Variants in TBC1D5 observed in about 807,000 individuals in gnomAD.
TBC1D5 encodes TBC1 domain family, member 5.
TBC1D5 carries 75 observed loss-of-function variants against 100.3 expected under a neutral mutation model. The observed-to-expected ratio is 0.75, with a 90% CI of 0.62 to 0.91. The LOEUF is 0.91. Among genes scored for constraint, TBC1D5 ranks in the 40% least tolerant of loss-of-function variants. The probability of loss-of-function intolerance (pLI) is 0.00; values close to 1 mark genes in which losing one functional copy is unlikely to be tolerated. For synonymous variants in TBC1D5, 323 were observed against 325.6 expected (o/e 0.99, Z 0.09); for missense variants, 910 against 942.4 (o/e 0.97, Z 0.45).
intron 9 of TBC1D5, 23 bp from the exon 10 acceptor site, chr3:17,376,636 A>G (rs752990713): frequency 6.3e-7 from 1 of 1,599,134 alleles, no homozygotes; most frequent in Non-Finnish European, 8.5e-7. Context: ...AGCCAGAAAA[A>G]TGAAAGAGAT....
At chr3:17,437,808 C>T (rs1269373115) in intron 3 of TBC1D5, among the ~76,000 whole-genome samples, 1 of 152,148 alleles carries the variant, frequency 6.6e-6, no homozygotes, top group African/African-American at 2.4e-5. Context: ...TGATGATACA[C>T]AGGCCTTTCC....
rs183492783 is a variant in TBC1D5, at chr3:17,682,306, T to A, written c.-101+57037A>T. On this transcript the variant is annotated intron_variant, in intron 1 of 21. Transcript: ENST00000253692. ...TTTTTGAAAAAAACCTGTAATGCTT[T>A]ATATGAAGAAAAACTTTAGAACTAT... is the stretch of plus-strand genomic sequence containing the variant. Among the ~76,000 whole-genome samples the A allele has an allele frequency of 1.0e-3, 154 of 151,538 alleles. 2 individuals carry two copies. The South Asian group carries it at 0.018, about 18-fold the overall frequency.
intron 15 of TBC1D5, among the ~76,000 whole-genome samples, chr3:17,283,211 C>T (rs189365783): frequency 6.6e-6 from 1 of 152,188 alleles, no homozygotes. Flanking sequence ...TAAAATAGAC[C>T]CCAAAGGGTC....
chr3:17,492,559 C>T (rs946253607), intron 3 of TBC1D5, among the ~76,000 whole-genome samples: 6 of 152,032 alleles, frequency 3.9e-5, no homozygotes, highest in East Asian at 1.9e-4. Context: ...CTCAGCCTAG[C>T]GAGTAGCTGG....
intron 14 of TBC1D5, among the ~76,000 whole-genome samples, chr3:17,297,573 A>T (rs2082383973): frequency 1.4e-5 from 1 of 69,142 alleles, no homozygotes; most frequent in Admixed American, 1.3e-4. Context: ...GAGACTCCTA[A>T]AAAAAAAAAA....
chr3:17,303,774 C>G (rs1178997549), intron 14 of TBC1D5, among the ~76,000 whole-genome samples: 3 of 151,770 alleles, frequency 2.0e-5, no homozygotes, highest in African/African-American at 7.3e-5. Flanking sequence ...CACCCTCTAC[C>G]CTCCTATCTC....
At chr3:17,460,291 G>T (rs918668147) in intron 3 of TBC1D5, among the ~76,000 whole-genome samples, 6 of 151,972 alleles carry the variant, frequency 3.9e-5, no homozygotes, top group African/African-American at 1.5e-4. Context: ...AATTAGAGAG[G>T]GTCAGAAAAA....
chr3:17,162,201 C>T (rs1012970442), intron 21 of TBC1D5, among the ~76,000 whole-genome samples: 2 of 152,204 alleles, frequency 1.3e-5, no homozygotes, highest in South Asian at 2.1e-4. Flanking sequence ...CTACCCTCCC[C>T]ACAGCATGGG....
At chr3:17,497,127 CA>C (rs879481223) in intron 3 of TBC1D5, among the ~76,000 whole-genome samples, 2,651 of 150,308 alleles carry the variant, frequency 0.018, 40 homozygotes, top group South Asian at 0.033. Flanking sequence ...CACACACACA[CA>C]CACACACACC....
intron 2 of TBC1D5, among the ~76,000 whole-genome samples, chr3:17,536,792 T>C (rs1490091127): frequency 3.3e-5 from 5 of 152,280 alleles, no homozygotes; most frequent in South Asian, 2.1e-4. Context: ...AGTTACAGAA[T>C]GGTTTTAGGG....
At chr3:17,407,199 T>G (rs749192518) in intron 4 of TBC1D5, among the ~76,000 whole-genome samples, 2 of 152,158 alleles carry the variant, frequency 1.3e-5, no homozygotes, top group Admixed American at 6.6e-5. Context: ...CTCCCAGGCA[T>G]GCAGACACCA....
intron 13 of TBC1D5, among the ~76,000 whole-genome samples, chr3:17,314,794 G>A (rs2084471726): frequency 6.6e-6 from 1 of 152,210 alleles, no homozygotes; most frequent in Admixed American, 6.5e-5. Flanking sequence ...ATGCATTCAT[G>A]TAAAATGTTA....
At chr3:17,497,852 T>A (rs2095734234) in intron 3 of TBC1D5, among the ~76,000 whole-genome samples, 2 of 152,208 alleles carry the variant, frequency 1.3e-5, no homozygotes, top group Admixed American at 1.3e-4. Context: ...ATTCTCATTA[T>A]TTATCTGTAG....
intron 2 of TBC1D5, among the ~76,000 whole-genome samples, chr3:17,518,581 A>G (rs2096021207): frequency 6.6e-6 from 1 of 152,106 alleles, no homozygotes; most frequent in Admixed American, 6.5e-5. Flanking sequence ...CGCATTTACC[A>G]TCCTTCAATT....
intron 17 of TBC1D5, among the ~76,000 whole-genome samples, chr3:17,218,009 T>TAA (rs1372582106): frequency 3.3e-5 from 5 of 152,152 alleles, no homozygotes; most frequent in Non-Finnish European, 5.9e-5. Context: ...TTCTATGACT[T>TAA]ATTTTGAGTT....
chr3:17,563,062 T>A (rs766746407), intron 2 of TBC1D5, among the ~76,000 whole-genome samples: 10 of 152,242 alleles, frequency 6.6e-5, no homozygotes, highest in Non-Finnish European at 1.2e-4. Context: ...CACAGTTATG[T>A]AAATGATGAG....
At position 17,404,996 on chromosome 3, in the gene TBC1D5, T is replaced by C. The variant is rs1191868920; in HGVS notation, c.277-35A>G. On this transcript the variant is annotated intron_variant, in intron 5 of 21. Transcript: ENST00000253692. ...AAAACAGAAGAAACTTTTGTAAAAA[T>C]CTTAAGATATAAAATGTGAAACTAT... The C allele has an allele frequency of 2.9e-6, 4 of 1,387,114 alleles. 1 individual carries two copies. The South Asian group carries it at 5.3e-5, about 18-fold the overall frequency. 85.9% of individuals were successfully genotyped at this position (1,387,114 alleles called of 1,614,324 possible).
At chr3:17,520,923 C>T (rs2096057278) in intron 2 of TBC1D5, among the ~76,000 whole-genome samples, 1 of 152,080 alleles carries the variant, frequency 6.6e-6, no homozygotes. Context: ...AAGAACTCAT[C>T]CAAAGGCAGG....
At chr3:17,729,734 C>T (rs545329642) in intron 1 of TBC1D5, among the ~76,000 whole-genome samples, 1 of 152,024 alleles carries the variant, frequency 6.6e-6, no homozygotes, top group South Asian at 2.1e-4. Flanking sequence ...AATTAGGAAA[C>T]CATCTGAATA....
Sources: allele counts gnomAD v4.1 joint callset (sites outside exome capture counted in the v4.1 genomes callset), GRCh38; gene constraint gnomAD v4.1.1; transcripts MANE v1.5; gene names NCBI Gene and HGNC (gene_info 2026-07-23, HGNC 2026-07-21).